MECOM: variants seen among roughly 807,000 people sequenced by gnomAD.
The protein encoded by MECOM is MDS1 and EVI1 complex locus, also known as histone-lysine N-methyltransferase MECOM.
MECOM carries 13 observed loss-of-function variants against 116.3 expected under a neutral mutation model. The observed-to-expected ratio is 0.11, with a 90% CI of 0.07 to 0.18. The LOEUF (loss-of-function observed/expected upper bound fraction) is 0.18. MECOM is among the 10% of genes least tolerant of loss of function. The pLI is 1.00. For synonymous variants in MECOM, 528 were observed against 535.2 expected (o/e 0.99, Z 0.19); for missense variants, 1,299 against 1,509.0 (o/e 0.86, Z 2.31).
At position 169,381,443 on chromosome 3, in the gene MECOM, G is replaced by C. The variant is rs763161743; in HGVS notation, c.119C>G (p.Ser40Cys). 1 of 1,613,650 alleles carries C rather than the reference G, an allele frequency of 6.2e-7. No individual in the cohort carries two copies. The highest frequency in any genetic ancestry group is 1.3e-5 in the African/African-American group (1 of 74,928). The change falls in exon 2 of 17, where the codon TCC becomes TGC. Residue 40 changes from serine (S) to cysteine (C), a missense_variant. Physicochemically the swap from Ser to Cys is moderately radical, Grantham distance 112. Coordinates refer to ENST00000651503, the MANE Select transcript of MECOM (RefSeq NM_004991.4). ...AGAGCATGGCTCTTGAATATTGAGGGAGGGAGTGCTGGCTACTCCATCTGC... is the reference window on the plus strand; with the variant it reads ...AGAGCATGGCTCTTGAATATTGAGGCAGGGAGTGCTGGCTACTCCATCTGC... Reference protein sequence around the residue: ...PDADGVASTPSLNIQEPCSPA... With the variant: ...PDADGVASTPCLNIQEPCSPA...
chr3:169,290,684 T>C (rs1714368243), intron 2 of MECOM, among the ~76,000 whole-genome samples: 2 of 152,194 alleles, frequency 1.3e-5, no homozygotes, highest in East Asian at 3.8e-4. Context: ...GCTGATGGTG[T>C]ACATTTTAAT....
chr3:169,381,847 T>G (rs1732441667), intron 1 of MECOM, among the ~76,000 whole-genome samples: 4 of 152,156 alleles, frequency 2.6e-5, no homozygotes, highest in Admixed American at 2.0e-4. Context: ...AGACAAGAAG[T>G]TAAACATGTG....
chr3:169,238,074 C>A (rs558641513), intron 2 of MECOM, among the ~76,000 whole-genome samples: 1 of 149,838 alleles, frequency 6.7e-6, no homozygotes, highest in South Asian at 2.1e-4. Context: ...AGTCTGGAGG[C>A]TGAGGCAGGA....
intron 2 of MECOM, among the ~76,000 whole-genome samples, chr3:169,171,131 A>G (rs1744340624): frequency 1.3e-5 from 2 of 152,332 alleles, no homozygotes; most frequent in Admixed American, 6.5e-5. Flanking sequence ...ATTTAATGTT[A>G]TACATACTAA....
chr3:169,652,285 C>G (rs1775016420), intron 1 of MECOM, among the ~76,000 whole-genome samples: 1 of 152,142 alleles, frequency 6.6e-6, no homozygotes, highest in African/African-American at 2.4e-5. Context: ...GATAGCTATT[C>G]CATCCCTCCA....
intron 1 of MECOM, among the ~76,000 whole-genome samples, chr3:169,428,051 G>A (rs1481333002): frequency 6.6e-6 from 1 of 152,132 alleles, no homozygotes; most frequent in Non-Finnish European, 1.5e-5. Flanking sequence ...CTGGTGGCAG[G>A]TGCCTGTAGT....
chr3:169,597,794 A>T (rs2109706273), intron 1 of MECOM, among the ~76,000 whole-genome samples: 1 of 152,224 alleles, frequency 6.6e-6, no homozygotes, highest in East Asian at 1.9e-4. Flanking sequence ...CACAAGGCCT[A>T]ATATCCTGAG....
intron 1 of MECOM, among the ~76,000 whole-genome samples, chr3:169,510,068 C>T (rs1755775432): frequency 6.6e-6 from 1 of 152,234 alleles, no homozygotes; most frequent in Admixed American, 6.5e-5. Flanking sequence ...ATCTCAGACA[C>T]GTGCACCGTG....
chr3:169,470,967 T>C (rs932423949), intron 1 of MECOM, among the ~76,000 whole-genome samples: 1 of 152,168 alleles, frequency 6.6e-6, no homozygotes, highest in Non-Finnish European at 1.5e-5. Flanking sequence ...GTTTGTTTGT[T>C]TTGAGACAGG....
intron 8 of MECOM, among the ~76,000 whole-genome samples, chr3:169,114,984 A>T (rs752121232): frequency 6.6e-6 from 1 of 152,116 alleles, no homozygotes; most frequent in East Asian, 1.9e-4. Flanking sequence ...TCTTGCTGTT[A>T]GATATCCCCC....
intron 2 of MECOM, among the ~76,000 whole-genome samples, chr3:169,372,130 T>G (rs1730241053): frequency 6.6e-6 from 1 of 152,028 alleles, no homozygotes; most frequent in South Asian, 2.1e-4. Flanking sequence ...AGATATTCAC[T>G]CTCTACTCAT....
chr3:169,318,190 C>A (rs1377002020), intron 2 of MECOM, among the ~76,000 whole-genome samples: 1 of 152,128 alleles, frequency 6.6e-6, no homozygotes, highest in East Asian at 1.9e-4. Context: ...CTAGGCAATA[C>A]CATTCAGGAC....
At chr3:169,629,962 C>A (rs1771876122) in intron 1 of MECOM, among the ~76,000 whole-genome samples, 1 of 152,224 alleles carries the variant, frequency 6.6e-6, no homozygotes, top group Non-Finnish European at 1.5e-5. Flanking sequence ...CCTGTCAACC[C>A]ACCTCTCCCA....
At chr3:169,311,683 CT>C (rs11476124) in intron 2 of MECOM, among the ~76,000 whole-genome samples, 54,155 of 150,234 alleles carry the variant, frequency 0.36, 9,951 homozygotes, top group Admixed American at 0.49. Flanking sequence ...ACATTTTACT[CT>C]TTTTTTTTTG....
intron 1 of MECOM, among the ~76,000 whole-genome samples, chr3:169,500,594 T>C (rs1754408307): frequency 6.6e-6 from 1 of 151,998 alleles, no homozygotes; most frequent in African/African-American, 2.4e-5. Context: ...AAAAAACACA[T>C]ATCATTTTCT....
At chr3:169,201,514 TA>T (rs1749152068) in intron 2 of MECOM, among the ~76,000 whole-genome samples, 1 of 152,020 alleles carries the variant, frequency 6.6e-6, no homozygotes, top group Non-Finnish European at 1.5e-5. Flanking sequence ...CAAGCTAGAG[TA>T]ATAGATACCT....
chr3:169,199,005 G>A (rs1748807164), intron 2 of MECOM, among the ~76,000 whole-genome samples: 1 of 151,924 alleles, frequency 6.6e-6, no homozygotes, highest in Admixed American at 6.6e-5. Context: ...TCCACATGGA[G>A]TTATTCATTT....
intron 1 of MECOM, among the ~76,000 whole-genome samples, chr3:169,641,390 G>A (rs1276762617): frequency 2.0e-5 from 3 of 152,296 alleles, no homozygotes; most frequent in Middle Eastern, 3.4e-3. Context: ...TAACCCCACT[G>A]AGCCAACTCC....
chr3:169,164,178 C>A (rs1743231250), intron 2 of MECOM, among the ~76,000 whole-genome samples: 1 of 152,028 alleles, frequency 6.6e-6, no homozygotes, highest in Non-Finnish European at 1.5e-5. Flanking sequence ...GGGAGGGACC[C>A]AGTGGGAGAT....
Sources: gnomAD v4.1 joint callset for allele counts (sites outside exome capture counted in the v4.1 genomes callset) on GRCh38, gnomAD v4.1.1 for gene constraint, MANE v1.5 for transcripts, NCBI Gene and HGNC (gene_info 2026-07-23, HGNC 2026-07-21) for gene names.